Variants in STON1 observed in about 807,000 individuals in gnomAD.
The protein encoded by STON1 is stonin-1.
Under a neutral mutation model 60.9 loss-of-function variants are expected in STON1, and 79 were observed. The observed-to-expected ratio is 1.30, with a 90% CI of 1.08 to 1.56. The LOEUF (loss-of-function observed/expected upper bound fraction) is 1.56, where lower values mean the gene tolerates loss of function less well. STON1 is among the 40% of genes most tolerant of loss of function. The probability of loss-of-function intolerance (pLI) is 0.00; values close to 1 mark genes in which losing one functional copy is unlikely to be tolerated. For synonymous variants in STON1, 363 were observed against 306.9 expected (o/e 1.18, Z -1.91); for missense variants, 1,166 against 858.9 (o/e 1.36, Z -4.47).
chr2:48,566,595 T>C (rs1055298787), intron 1 of STON1, among the ~76,000 whole-genome samples: 1 of 152,136 alleles, frequency 6.6e-6, no homozygotes, highest in Non-Finnish European at 1.5e-5. Context: ...TGACTGGGCA[T>C]TTTAAAGGGA....
At chr2:48,535,616 G>T (rs1162527266) in intron 1 of STON1, among the ~76,000 whole-genome samples, 3 of 152,152 alleles carry the variant, frequency 2.0e-5, no homozygotes, top group Admixed American at 6.5e-5. Flanking sequence ...AGGCCGACGT[G>T]GGGGGATCAC....
At chr2:48,564,828 G>A (rs1206682297) in intron 1 of STON1, among the ~76,000 whole-genome samples, 2 of 146,196 alleles carry the variant, frequency 1.4e-5, no homozygotes, top group Non-Finnish European at 3.0e-5. Context: ...TGCCTCCTGG[G>A]TCCAAGTGAT....
chr2:48,585,199 G>A (rs1558642633), intron 2 of STON1, among the ~76,000 whole-genome samples: 1 of 152,076 alleles, frequency 6.6e-6, no homozygotes, highest in Non-Finnish European at 1.5e-5. Flanking sequence ...TGGGAGGGAA[G>A]GTCAGTATCT....
intron 1 of STON1, among the ~76,000 whole-genome samples, chr2:48,560,516 G>A (rs1672565194): frequency 6.6e-6 from 1 of 152,218 alleles, no homozygotes; most frequent in Admixed American, 6.5e-5. Flanking sequence ...CTTGTTTGCA[G>A]GTCTTTGCCT....
chr2:48,554,167 G>A (rs977688990), intron 1 of STON1, among the ~76,000 whole-genome samples: 35 of 152,294 alleles, frequency 2.3e-4, no homozygotes, highest in African/African-American at 8.4e-4. Flanking sequence ...AGGCACCTGA[G>A]ATGACTTGGG....
intron 2 of STON1, among the ~76,000 whole-genome samples, chr2:48,588,910 C>T (rs1279653687): frequency 6.6e-6 from 1 of 152,076 alleles, no homozygotes; most frequent in African/African-American, 2.4e-5. Flanking sequence ...TCACAGACTT[C>T]ATTCATACTA....
intron 2 of STON1, 123 bp downstream of exon 2, chr2:48,582,686 G>T: frequency 6.9e-7 from 1 of 1,445,908 alleles, no homozygotes; most frequent in Non-Finnish European, 9.2e-7. Context: ...GTGCTTTGGG[G>T]TAGGAGATGG....
At chr2:48,548,574 C>T (rs1469478210) in intron 1 of STON1, among the ~76,000 whole-genome samples, 1 of 151,886 alleles carries the variant, frequency 6.6e-6, no homozygotes, top group African/African-American at 2.4e-5. Flanking sequence ...TCTCGGCTCA[C>T]TGAAGCCTCC....
At chr2:48,578,580 C>CTTTTTTTTTTTT (rs1673674887) in intron 1 of STON1, among the ~76,000 whole-genome samples, 2 of 59,982 alleles carry the variant, frequency 3.3e-5, no homozygotes, top group African/African-American at 1.2e-4. Flanking sequence ...CCTCCTCCTT[C>CTTTTTTTTTTTT]CTTTTTTTTT....
At position 48,564,810 on chromosome 2, in the gene STON1, G is replaced by A. The variant is rs1297960868; in HGVS notation, c.-47-15777G>A. 2.2e-5 allele frequency among the ~76,000 whole-genome samples: 3 copies of A among 138,982 alleles called. No individual in the cohort carries two copies. The East Asian group carries it at 6.2e-4, about 29-fold the overall frequency. 91.2% of individuals were successfully genotyped at this position (138,982 alleles called of 152,430 possible). ...TGCAGTGGCACGATCTTGGCTCACT[G>A]CAACCTCTGCCTCCTGGGTCCAAGT... On this transcript the variant is annotated intron_variant, in intron 1 of 3. Coordinates refer to ENST00000404752, the MANE Select transcript of STON1 (RefSeq NM_006873.4).
intron 1 of STON1, among the ~76,000 whole-genome samples, chr2:48,538,439 GTTT>G (rs1264291313): frequency 6.6e-6 from 1 of 152,074 alleles, no homozygotes; most frequent in East Asian, 1.9e-4. Context: ...TCTTGATTCA[GTTT>G]TGATAATTTA....
chr2:48,583,327 G>T (rs1035450645), intron 2 of STON1, among the ~76,000 whole-genome samples: 4 of 152,130 alleles, frequency 2.6e-5, no homozygotes, highest in African/African-American at 9.7e-5. Flanking sequence ...GGGCTCAAGG[G>T]ATCCTCCCAC....
intron 2 of STON1, among the ~76,000 whole-genome samples, chr2:48,586,129 A>G (rs1170657535): frequency 6.6e-6 from 1 of 152,176 alleles, no homozygotes; most frequent in Non-Finnish European, 1.5e-5. Context: ...ACCCATACCA[A>G]TCATCTTTTC....
At chr2:48,544,937 A>T (rs879709610) in intron 1 of STON1, among the ~76,000 whole-genome samples, 1 of 152,168 alleles carries the variant, frequency 6.6e-6, no homozygotes, top group Non-Finnish European at 1.5e-5. Context: ...AATCCTTTGC[A>T]ACCAGGAATC....
chr2:48,563,285 A>T (rs537920536), intron 1 of STON1, among the ~76,000 whole-genome samples: 8 of 152,310 alleles, frequency 5.3e-5, no homozygotes, highest in Admixed American at 5.2e-4. Context: ...GCCATTCTCA[A>T]TGCCCAGAGG....
chr2:48,545,970 A>G (rs562480766), intron 1 of STON1, among the ~76,000 whole-genome samples: 9 of 152,354 alleles, frequency 5.9e-5, no homozygotes, highest in African/African-American at 9.6e-5. Context: ...AAATTTCCCC[A>G]TGCTGTGGGA....
intron 1 of STON1, among the ~76,000 whole-genome samples, chr2:48,567,468 A>G (rs1176812611): frequency 2.6e-5 from 4 of 152,084 alleles, no homozygotes; most frequent in Non-Finnish European, 5.9e-5. Context: ...CTGGAGTGCA[A>G]TGGCGCGATC....
chr2:48,579,919 T>C (rs1437552760), intron 1 of STON1, among the ~76,000 whole-genome samples: 5 of 152,132 alleles, frequency 3.3e-5, no homozygotes, highest in Non-Finnish European at 5.9e-5. Flanking sequence ...AATATATATA[T>C]ATTTTCAGAT....
At position 48,564,471 on chromosome 2, in the gene STON1, T is replaced by C. The variant is rs1390866216; in HGVS notation, c.-47-16116T>C. Among the ~76,000 whole-genome samples the C allele has an allele frequency of 2.0e-4, 10 of 51,152 alleles. 1 individual carries two copies. Among genetic ancestry groups the C allele is most frequent in the African/African-American group, 7.1e-4 (9 of 12,666 alleles). 33.6% of individuals were successfully genotyped at this position (51,152 alleles called of 152,430 possible). On this transcript the variant is annotated intron_variant, in intron 1 of 3. Coordinates refer to ENST00000404752, the MANE Select transcript of STON1 (RefSeq NM_006873.4). ...CTTCTTCTTCTTCTTCTTCTTCTTC[T>C]TCTTCTTCTTTCTTCTTCTTCTTCT...
Sources: gnomAD v4.1 joint callset for allele counts (sites outside exome capture counted in the v4.1 genomes callset) on GRCh38, gnomAD v4.1.1 for gene constraint, MANE v1.5 for transcripts, NCBI Gene and HGNC (gene_info 2026-07-23, HGNC 2026-07-21) for gene names.